PSD3: variants seen among roughly 807,000 people sequenced by gnomAD.
The protein encoded by PSD3 is pleckstrin and Sec7 domain containing 3.
Under a neutral mutation model 105.5 loss-of-function variants are expected in PSD3, and 49 were observed. That is an observed-to-expected ratio of 0.46 (90% CI 0.37 to 0.59). The LOEUF is 0.59. Among genes scored for constraint, PSD3 ranks in the 20% least tolerant of loss-of-function variants. The pLI is 0.00. For missense variants in PSD3, 1,561 were observed against 1,263.8 expected (o/e 1.24, Z -3.57); for synonymous variants, 557 against 457.8 (o/e 1.22, Z -2.77).
chr8:18,816,632 C>T (rs1333293278), intron 4 of PSD3, among the ~76,000 whole-genome samples: 1 of 152,182 alleles, frequency 6.6e-6, no homozygotes, highest in South Asian at 2.1e-4. Context: ...TGTGCCAGCA[C>T]ATTTCTAAGT....
At chr8:19,057,643 G>A (rs1478256997) in intron 1 of PSD3, among the ~76,000 whole-genome samples, 1 of 152,014 alleles carries the variant, frequency 6.6e-6, no homozygotes, top group Non-Finnish European at 1.5e-5. Context: ...GCTTCATCTA[G>A]CAACTAAAGA....
At chr8:18,696,536 G>A (rs1004139905) in intron 9 of PSD3, among the ~76,000 whole-genome samples, 7 of 152,084 alleles carry the variant, frequency 4.6e-5, no homozygotes, top group Non-Finnish European at 7.4e-5. Flanking sequence ...GATACATTCC[G>A]AGGAGCAAAT....
In PSD3 at chr8:18,600,378, G is replaced by T. The variant is rs1437491837; in HGVS notation, c.2467C>A (p.Leu823Ile). The T allele has an allele frequency of 6.2e-7, 1 of 1,609,534 alleles. No individual in the cohort carries two copies. Among genetic ancestry groups the T allele is most frequent in the Non-Finnish European group, 8.5e-7 (1 of 1,178,508 alleles). The part of the protein sequence containing the change: ...TFYAVLKGTV[L>I]YLQKDEYKPE... ...TTTACTTTTACCTTTTGCAAGTAAA[G>T]AACTGTTCCCTTCAGTACAGCATAA... Residue 823 changes from leucine to isoleucine, a missense_variant, in exon 12 of 16, where the codon CTT (leucine) becomes ATT (isoleucine). Physicochemically the swap from Leu to Ile is conservative, Grantham distance 5 (BLOSUM62 2). Coordinates refer to ENST00000327040, the MANE Select transcript of PSD3 (RefSeq NM_015310.4).
At chr8:18,702,441 TG>T (rs1801636646) in intron 9 of PSD3, among the ~76,000 whole-genome samples, 1 of 152,202 alleles carries the variant, frequency 6.6e-6, no homozygotes, top group African/African-American at 2.4e-5. Context: ...TTTTGTATTG[TG>T]AATCATAGTT....
chr8:18,684,206 A>C (rs1414167767), intron 9 of PSD3: 3 of 2,856 alleles, frequency 1.1e-3, no homozygotes, highest in Non-Finnish European at 4.5e-3. Context: ...TCTCTTTTCC[A>C]CACACACACA....
Position 18,616,603 on chromosome 8 carries a change from GC to G in PSD3, c.2410+16009del, listed in dbSNP as rs1405590927. On this transcript the variant is annotated intron_variant, in intron 11 of 15. Coordinates refer to ENST00000327040, the MANE Select transcript of PSD3 (RefSeq NM_015310.4). Reference sequence around the variant, plus strand: ...TAACAGGAACACCTTTGCTAGCCAGGCCTCATCTTCCTCTCTTTTCTTTTCT... The same window carrying G: ...TAACAGGAACACCTTTGCTAGCCAGGCTCATCTTCCTCTCTTTTCTTTTCT... Among the ~76,000 whole-genome samples, 3 of 149,598 alleles carry G rather than the reference GC, an allele frequency of 2.0e-5. No individual in the cohort carries two copies. The East Asian group carries it at 6.0e-4, about 30-fold the overall frequency.
chr8:18,739,983 C>A (rs1343265854), intron 9 of PSD3, among the ~76,000 whole-genome samples: 1 of 152,134 alleles, frequency 6.6e-6, no homozygotes, highest in Non-Finnish European at 1.5e-5. Flanking sequence ...AATATAATAT[C>A]AAATCTGGGA....
At chr8:18,637,547 A>C (rs939385252) in intron 10 of PSD3, among the ~76,000 whole-genome samples, 1 of 152,076 alleles carries the variant, frequency 6.6e-6, no homozygotes, top group African/African-American at 2.4e-5. Flanking sequence ...TGGCATATAA[A>C]ATGGTTTCTT....
At chr8:18,713,486 C>A (rs113111341) in intron 9 of PSD3, among the ~76,000 whole-genome samples, 2 of 151,990 alleles carry the variant, frequency 1.3e-5, no homozygotes, top group Non-Finnish European at 2.9e-5. Context: ...TATACACCAA[C>A]AACAGACAAG....
intron 12 of PSD3, among the ~76,000 whole-genome samples, chr8:18,575,608 A>G (rs1647833602): frequency 1.3e-5 from 2 of 152,202 alleles, no homozygotes; most frequent in Non-Finnish European, 1.5e-5. Flanking sequence ...CACATTTTAT[A>G]ATGAACAGAA....
intron 9 of PSD3, among the ~76,000 whole-genome samples, chr8:18,678,749 T>C (rs988469469): frequency 6.6e-6 from 1 of 152,050 alleles, no homozygotes; most frequent in African/African-American, 2.4e-5. Context: ...GAGGCAGAGG[T>C]TGCGGTGAGC....
chr8:18,604,104 G>C (rs1804639207), intron 11 of PSD3, among the ~76,000 whole-genome samples: 1 of 151,198 alleles, frequency 6.6e-6, no homozygotes, highest in South Asian at 2.1e-4. Flanking sequence ...TCAGAGGTTG[G>C]AAGAGGGTGG....
chr8:18,947,033 CA>C (rs1822906576), intron 1 of PSD3, among the ~76,000 whole-genome samples: 1 of 151,960 alleles, frequency 6.6e-6, no homozygotes, highest in Admixed American at 6.6e-5. Context: ...GTGCTTGGGC[CA>C]AAGGGGATGG....
chr8:18,657,339 C>T (rs535578411), intron 9 of PSD3, among the ~76,000 whole-genome samples: 11 of 152,182 alleles, frequency 7.2e-5, no homozygotes, highest in Non-Finnish European at 1.3e-4. Context: ...ATATTATTTA[C>T]GACTCAATAC....
chr8:18,941,025 A>C (rs959433445), intron 1 of PSD3, among the ~76,000 whole-genome samples: 1 of 152,188 alleles, frequency 6.6e-6, no homozygotes, highest in African/African-American at 2.4e-5. Context: ...AAGGCTTATA[A>C]ATTTTTACTG....
intron 9 of PSD3, among the ~76,000 whole-genome samples, chr8:18,726,869 AC>A (rs1563202781): frequency 6.6e-6 from 1 of 152,092 alleles, no homozygotes; most frequent in Non-Finnish European, 1.5e-5. Flanking sequence ...CAGACAGTCC[AC>A]CATCTAGGAA....
intron 14 of PSD3, among the ~76,000 whole-genome samples, chr8:18,566,891 T>C (rs1477680665): frequency 6.6e-6 from 1 of 152,194 alleles, no homozygotes; most frequent in South Asian, 2.1e-4. Flanking sequence ...CTGTTAGAAA[T>C]AAGAGTGCCT....
chr8:18,898,008 A>G (rs1819264210), intron 2 of PSD3, among the ~76,000 whole-genome samples: 1 of 152,272 alleles, frequency 6.6e-6, no homozygotes, highest in South Asian at 2.1e-4. Context: ...CTTGTTCCAG[A>G]GCTAGAGGAA....
chr8:18,747,854 T>A (rs1479260428), intron 9 of PSD3, among the ~76,000 whole-genome samples: 1 of 151,250 alleles, frequency 6.6e-6, no homozygotes, highest in Non-Finnish European at 1.5e-5. Context: ...GAAGACGAGT[T>A]TCCTTTTGCA....
Sources: gnomAD v4.1 joint callset for allele counts (sites outside exome capture counted in the v4.1 genomes callset) on GRCh38, gnomAD v4.1.1 for gene constraint, MANE v1.5 for transcripts, NCBI Gene and HGNC (gene_info 2026-07-23, HGNC 2026-07-21) for gene names.